PNLIPRP3: variants seen among roughly 807,000 people sequenced by gnomAD.
PNLIPRP3 encodes pancreatic lipase related protein 3, also known as pancreatic lipase-related protein 3.
A neutral mutation model predicts 52.8 loss-of-function variants in PNLIPRP3; 58 were observed. That is an observed-to-expected ratio of 1.10 (90% confidence interval 0.89 to 1.37). PNLIPRP3 has a LOEUF of 1.37. PNLIPRP3 is among the 40% of genes most tolerant of loss of function. PNLIPRP3 has a pLI of 0.00. For missense variants in PNLIPRP3, 593 were observed against 561.6 expected, an observed-to-expected ratio of 1.06 and a Z score of -0.57; for synonymous variants, 192 against 185.0, an observed-to-expected ratio of 1.04 and a Z score of -0.31.
chr10:116,440,317 G>T (rs1845839887), intron 2 of PNLIPRP3, among the ~76,000 whole-genome samples: 1 of 152,110 alleles, frequency 6.6e-6, no homozygotes. Context: ...AGGTGAAGCT[G>T]GGTCCTACTG....
At chr10:116,476,558 G>A in intron 10 of PNLIPRP3, 94 bp from the exon 11 acceptor site, 2 of 958,304 alleles carry the variant, frequency 2.1e-6, no homozygotes, top group Non-Finnish European at 3.0e-6. Flanking sequence ...GCAAATACAA[G>A]TTTCTCTTCC....
chr10:116,476,509 T>C, intron 10 of PNLIPRP3, 143 bp from the exon 11 acceptor site: 8 of 577,952 alleles, frequency 1.4e-5, no homozygotes, highest in Admixed American at 3.7e-5. Context: ...TGCTGATCAA[T>C]ACACATGGAA....
chr10:116,428,009 T>A lies in PNLIPRP3; in HGVS notation c.-4T>A, dbSNP rs371418960. ...TTTTTATGTGATTTAAAAAATCAGCTTAGATGCTTGGAATTTGGATTGTTG... is the reference window on the plus strand; with the variant it reads ...TTTTTATGTGATTTAAAAAATCAGCATAGATGCTTGGAATTTGGATTGTTG... On this transcript the variant is annotated 5_prime_UTR_variant, in exon 1 of 12. Transcript: ENST00000369230. The A allele has an allele frequency of 3.1e-6, 5 of 1,607,478 alleles. No homozygotes were observed. Among genetic ancestry groups the A allele is most frequent in the East Asian group, 4.5e-5 (2 of 44,688 alleles).
At chr10:116,458,930 A>G (rs1473267906) in intron 5 of PNLIPRP3, among the ~76,000 whole-genome samples, 1 of 152,100 alleles carries the variant, frequency 6.6e-6, no homozygotes. Context: ...TCCTTGACCC[A>G]CTGCTACCTA....
Position 116,461,062 on chromosome 10 carries a change from C to T in PNLIPRP3, c.662C>T (p.Ala221Val), listed in dbSNP as rs754546541. 4.3e-6 allele frequency: 7 copies of T among 1,614,180 alleles called. No homozygotes were observed. Among genetic ancestry groups the T allele is most frequent in the Non-Finnish European group, 5.9e-6 (7 of 1,180,030 alleles). ...TTTGTTGACGTTATTCATACAAATG[C>T]AGCTCGCATCCTCTTTGAGCTTGGT... is the stretch of plus-strand genomic sequence containing the variant. ...ANFVDVIHTN[A>V]ARILFELGVG... The change falls in exon 6 of 12, where the codon GCA becomes GTA. Residue 221 changes from alanine to valine, a missense_variant. Ala to Val is a moderately conservative substitution (Grantham distance 64). Coordinates refer to ENST00000369230, the MANE Select transcript of PNLIPRP3 (RefSeq NM_001011709.3).
At position 116,461,255 on chromosome 10, in the gene PNLIPRP3, C is replaced by T. The variant is rs1589986791; in HGVS notation, c.773C>T (p.Pro258Leu). ...HMPGCEDLIT[P>L]LLKFNFNAYK... ...CCAGGATGTGAAGACTTAATTACAC[C>T]TTTACTGAAATTTAACTTCAATGCT... The change falls in exon 7 of 12, where the codon CCT becomes CTT. Residue 258 changes from proline to leucine, a missense_variant. By Grantham distance (98) the Pro-to-Leu change is moderately conservative. Transcript: ENST00000369230. 3 of 1,613,060 alleles carry T rather than the reference C, an allele frequency of 1.9e-6. No homozygotes were observed. The Admixed American group carries it at 5.0e-5, about 27-fold the overall frequency.
In PNLIPRP3 at chr10:116,436,725, T is replaced by C. The variant is rs1414388125; in HGVS notation, c.64T>C (p.Tyr22His). The C allele has an allele frequency of 6.2e-7, 1 of 1,609,712 alleles. No homozygotes were observed. Among genetic ancestry groups the C allele is most frequent in the East Asian group, 2.2e-5 (1 of 44,824 alleles). ...TTCTGCTGCAGGAAAAGAAGTTTGC[T>C]ATGAAAGGTTAGGGTGTTTCAAAGA... is the stretch of plus-strand genomic sequence containing the variant. The part of the protein sequence containing the change: ...FGTSRGKEVC[Y>H]ERLGCFKDGL... The change falls in exon 2 of 12, where the codon TAT becomes CAT. Residue 22 changes from tyrosine to histidine, a missense_variant. Physicochemically the swap from Tyr to His is moderately conservative, Grantham distance 83. Transcript: ENST00000369230.
chr10:116,459,157 T>A (rs1846155825), intron 5 of PNLIPRP3, among the ~76,000 whole-genome samples: 1 of 152,126 alleles, frequency 6.6e-6, no homozygotes, highest in Admixed American at 6.5e-5. Flanking sequence ...GGCTACTTCA[T>A]GAATTTCTTT....
chr10:116,433,898 G>T (rs367714182), intron 1 of PNLIPRP3, among the ~76,000 whole-genome samples: 1 of 152,180 alleles, frequency 6.6e-6, no homozygotes, highest in South Asian at 2.1e-4. Flanking sequence ...GATGTGAGGG[G>T]CTGTTTATTA....
Position 116,461,337 on chromosome 10 carries a change from G to T in PNLIPRP3, c.808+47G>T, listed in dbSNP as rs749550155. The T allele has an allele frequency of 1.3e-5, 21 of 1,585,762 alleles. 1 individual carries two copies. In the East Asian group the frequency reaches 4.7e-4, roughly 35 times the overall value. ...AATGCTACTGATGCATATTCACTTAGCTCTCTCCTTAGATGGGATCCACCT... is the reference window on the plus strand; with the variant it reads ...AATGCTACTGATGCATATTCACTTATCTCTCTCCTTAGATGGGATCCACCT... On this transcript the variant is annotated intron_variant, in intron 7 of 11. Transcript: ENST00000369230.
chr10:116,467,328 C>T (rs922332311), intron 8 of PNLIPRP3, among the ~76,000 whole-genome samples: 7 of 152,092 alleles, frequency 4.6e-5, no homozygotes, highest in Non-Finnish European at 7.4e-5. Flanking sequence ...AAATTTGAGG[C>T]TACAGTGTGC....
chr10:116,436,763 G>A lies in PNLIPRP3; in HGVS notation c.102G>A (p.Trp34Ter), dbSNP rs764584084. Residue 34 changes from tryptophan (W) to a stop codon, truncating the protein, a stop_gained, in exon 2 of 12, where the codon TGG becomes TGA. Coordinates refer to ENST00000369230, the MANE Select transcript of PNLIPRP3 (RefSeq NM_001011709.3). LOFTEE classifies it high-confidence loss of function. ...RLGCFKDGLP[W>*]TRTFSTELVG... is the part of the protein sequence containing the mutation. ...GGTGTTTCAAAGATGGTTTACCATG[G>A]ACCAGGACTTTCTCAACAGAGTTGG... 3.1e-6 allele frequency: 5 copies of A among 1,613,550 alleles called. No individual in the cohort carries two copies. The highest frequency in any genetic ancestry group is 2.7e-5 in the African/African-American group (2 of 74,892).
chr10:116,461,365 T>C, intron 7 of PNLIPRP3, 75 bp downstream of exon 7: 1 of 1,505,784 alleles, frequency 6.6e-7, no homozygotes. Context: ...ATCCACCTAC[T>C]TTTGTGTATA....
intron 11 of PNLIPRP3, 121 bp from the exon 12 acceptor site, chr10:116,476,969 T>C: frequency 8.7e-7 from 1 of 1,155,970 alleles, no homozygotes; most frequent in Non-Finnish European, 1.2e-6. Context: ...AAGAAACCAA[T>C]GCTATATGTG....
At chr10:116,435,383 T>A (rs17094748) in intron 1 of PNLIPRP3, among the ~76,000 whole-genome samples, 20,138 of 151,028 alleles carry the variant, frequency 0.13, 1,681 homozygotes, top group Admixed American at 0.25. Context: ...AATGAATATG[T>A]TGTATGGATC....
At chr10:116,436,135 T>C (rs1216598593) in intron 1 of PNLIPRP3, among the ~76,000 whole-genome samples, 2 of 152,108 alleles carry the variant, frequency 1.3e-5, no homozygotes, top group African/African-American at 4.8e-5. Flanking sequence ...GAAAATTGGA[T>C]ATCCACATTC....
intron 4 of PNLIPRP3, among the ~76,000 whole-genome samples, chr10:116,455,187 A>G (rs1299073539): frequency 3.9e-5 from 6 of 152,236 alleles, no homozygotes; most frequent in Non-Finnish European, 8.8e-5. Flanking sequence ...TTTGATAACT[A>G]TTCAAATCCT....
At chr10:116,461,594 T>C (rs1164256697) in intron 7 of PNLIPRP3, among the ~76,000 whole-genome samples, 3 of 152,234 alleles carry the variant, frequency 2.0e-5, no homozygotes, top group Non-Finnish European at 2.9e-5. Flanking sequence ...TGCTAGGCAT[T>C]ATTCTAGGAA....
At chr10:116,429,990 A>T (rs1400851634) in intron 1 of PNLIPRP3, among the ~76,000 whole-genome samples, 1 of 152,214 alleles carries the variant, frequency 6.6e-6, no homozygotes, top group Admixed American at 6.5e-5. Context: ...TGTTTGTGTG[A>T]GGCTAGGAAT....
Sources: gnomAD v4.1 joint callset for allele counts (sites outside exome capture counted in the v4.1 genomes callset) on GRCh38, gnomAD v4.1.1 for gene constraint, MANE v1.5 for transcripts, NCBI Gene and HGNC (gene_info 2026-07-23, HGNC 2026-07-21) for gene names.